The following AGFG1 variants were observed in gnomAD, a reference collection of about 807,000 sequenced individuals.
AGFG1 encodes ArfGAP with FG repeats 1.
Under a neutral mutation model 60.6 loss-of-function variants are expected in AGFG1, and 10 were observed. That is an observed-to-expected ratio of 0.16 (90% confidence interval 0.10 to 0.28). AGFG1 has a LOEUF of 0.28. AGFG1 is among the 10% of genes least tolerant of loss of function. The pLI is 1.00. For synonymous variants in AGFG1, 247 were observed against 242.9 expected, an observed-to-expected ratio of 1.02 and a Z score of -0.16; for missense variants, 537 against 676.5, an observed-to-expected ratio of 0.79 and a Z score of 2.29.
intron 1 of AGFG1, among the ~76,000 whole-genome samples, chr2:227,484,309 C>T (rs1320036755): frequency 1.3e-5 from 2 of 151,940 alleles, no homozygotes; most frequent in African/African-American, 2.4e-5. Flanking sequence ...CTGCCTCAGA[C>T]TCCTGAGTAG....
At chr2:227,551,861 A>G (rs1175444260) in intron 10 of AGFG1, 98 bp from the exon 11 acceptor site, 41 of 1,431,336 alleles carry the variant, frequency 2.9e-5, no homozygotes, top group Admixed American at 8.1e-5. Context: ...ACATCTTAGT[A>G]TTTTTCAAGG....
chr2:227,527,137 T>C (rs1692018326), intron 5 of AGFG1, among the ~76,000 whole-genome samples: 1 of 152,204 alleles, frequency 6.6e-6, no homozygotes, highest in South Asian at 2.1e-4. Context: ...GAACCTGGGC[T>C]TTGGAGTTGG....
rs4675199 is a variant in AGFG1 at position 227,473,937 on chromosome 2, G to T, written c.167+1349G>T. Among the ~76,000 whole-genome samples, 75 of 152,074 alleles carry T rather than the reference G, an allele frequency of 4.9e-4. 1 individual carries two copies. The South Asian group carries it at 0.015, about 30-fold the overall frequency. ...AATATAGCAAAGTCTTGTTCTCTTGGTTCTTACAGTCCAGTGGGGATGCAA... is the reference window on the plus strand; with the variant it reads ...AATATAGCAAAGTCTTGTTCTCTTGTTTCTTACAGTCCAGTGGGGATGCAA... On this transcript the variant is annotated intron_variant, in intron 1 of 12. Coordinates refer to ENST00000310078, the MANE Select transcript of AGFG1 (RefSeq NM_004504.5).
intron 10 of AGFG1, among the ~76,000 whole-genome samples, chr2:227,544,591 T>C (rs1009423232): frequency 6.6e-6 from 1 of 152,226 alleles, no homozygotes; most frequent in Non-Finnish European, 1.5e-5. Context: ...TTGCAGTGAC[T>C]GGTACCGGTT....
Position 227,553,615 on chromosome 2 carries a change from AAT to A in AGFG1, c.1538-88_1538-87del, listed in dbSNP as rs1692887509. On this transcript the variant is annotated intron_variant, in intron 11 of 12. Coordinates refer to ENST00000310078, the MANE Select transcript of AGFG1 (RefSeq NM_004504.5). ...ATTTTATTTTTGCTGCTCTGGTAGG[AAT>A]GTCTCTGAAAGTTATTATGAGGCTT... 3 of 1,049,634 alleles carry A rather than the reference AAT, an allele frequency of 2.9e-6. No homozygotes were observed. The Admixed American group carries it at 5.9e-5, about 21-fold the overall frequency. The allele number at this position is 1,049,634 out of a possible 1,614,324, so 65.0% of individuals were successfully genotyped here.
At chr2:227,499,639 CA>C (rs34358491) in intron 2 of AGFG1, among the ~76,000 whole-genome samples, 1,407 of 98,396 alleles carry the variant, frequency 0.014, 23 homozygotes, top group African/African-American at 0.044. Context: ...GACTCTGTCT[CA>C]AAAAAAAAAA....
intron 10 of AGFG1, among the ~76,000 whole-genome samples, chr2:227,545,798 C>T (rs1575115098): frequency 6.6e-6 from 1 of 152,216 alleles, no homozygotes; most frequent in Non-Finnish European, 1.5e-5. Flanking sequence ...GCGGAGGCTG[C>T]AGAACAGCAA....
intron 2 of AGFG1, among the ~76,000 whole-genome samples, chr2:227,503,158 T>TG (rs2106184942): frequency 6.6e-6 from 1 of 151,650 alleles, no homozygotes; most frequent in South Asian, 2.1e-4. Context: ...ACCTGAGCTT[T>TG]GGGGAGGTTT....
In AGFG1 at chr2:227,556,264, TATC is replaced by T. The variant is rs747327303; in HGVS notation, c.*1772_*1774del. 3 of 152,426 alleles carry T rather than the reference TATC, an allele frequency of 2.0e-5. No homozygotes were observed. The highest frequency in any genetic ancestry group is 2.9e-5 in the Non-Finnish European group (2 of 68,028). The allele number at this position is 152,426 out of a possible 1,614,324, so 9.4% of individuals were successfully genotyped here. A position where few individuals can be genotyped will look rare whatever the true frequency, so the allele number is the denominator to read the frequency against. On this transcript the variant is annotated 3_prime_UTR_variant, in exon 13 of 13. Coordinates refer to ENST00000310078, the MANE Select transcript of AGFG1 (RefSeq NM_004504.5). ...CTTTTTGCAATGATGACTGAGTTGT[TATC>T]ATAGTATTTTAAAACCTGTATAGTG...
At chr2:227,509,243 C>T (rs1236011436) in intron 2 of AGFG1, among the ~76,000 whole-genome samples, 3 of 152,020 alleles carry the variant, frequency 2.0e-5, no homozygotes, top group Non-Finnish European at 2.9e-5. Flanking sequence ...TAGTATCTTC[C>T]CCAAAATACG....
intron 5 of AGFG1, among the ~76,000 whole-genome samples, chr2:227,529,134 ACTCAT>A (rs1692086827): frequency 6.6e-6 from 1 of 152,144 alleles, no homozygotes; most frequent in East Asian, 1.9e-4. Flanking sequence ...CTACTGAATT[ACTCAT>A]TTATTTTTCC....
intron 3 of AGFG1, among the ~76,000 whole-genome samples, chr2:227,521,209 G>A (rs985352201): frequency 1.3e-5 from 2 of 151,976 alleles, no homozygotes; most frequent in Non-Finnish European, 2.9e-5. Flanking sequence ...GGGATTACAG[G>A]CACCCACCAC....
At chr2:227,479,636 A>G (rs1458801366) in intron 1 of AGFG1, among the ~76,000 whole-genome samples, 3 of 152,174 alleles carry the variant, frequency 2.0e-5, no homozygotes, top group Non-Finnish European at 4.4e-5. Flanking sequence ...ATTCGGGACT[A>G]GGTTTTACTA....
chr2:227,494,718 G>A (rs936204106), intron 2 of AGFG1, among the ~76,000 whole-genome samples: 1 of 152,232 alleles, frequency 6.6e-6, no homozygotes, highest in African/African-American at 2.4e-5. Context: ...GGAAACATCT[G>A]TGTATGGTCT....
intron 10 of AGFG1, 142 bp from the exon 11 acceptor site, chr2:227,551,817 G>T (rs888690606): frequency 2.0e-6 from 2 of 979,298 alleles, no homozygotes; most frequent in African/African-American, 1.6e-5. Flanking sequence ...CATTAACTTT[G>T]TTGGAATTTT....
Position 227,560,901 on chromosome 2 carries a change from C to T in AGFG1, c.*6406C>T. 6.6e-6 allele frequency: 1 copy of T among 152,060 alleles called. No individual in the cohort carries two copies. The allele number at this position is 152,060 out of a possible 1,614,324, so 9.4% of individuals were successfully genotyped here. ...CAATGAAGAATACTTGTCCTAATAG[C>T]TCATAAAAAGTACCTTTGCACTTTA... On this transcript the variant is annotated 3_prime_UTR_variant, in exon 13 of 13. Coordinates refer to ENST00000310078, the MANE Select transcript of AGFG1 (RefSeq NM_004504.5).
intron 2 of AGFG1, among the ~76,000 whole-genome samples, chr2:227,500,238 A>G (rs1224857606): frequency 2.6e-5 from 4 of 152,202 alleles, no homozygotes; most frequent in Non-Finnish European, 2.9e-5. Flanking sequence ...TTTTTTGGTC[A>G]GTCTCTTACT....
chr2:227,498,310 A>G (rs941127084), intron 2 of AGFG1, among the ~76,000 whole-genome samples: 2 of 152,184 alleles, frequency 1.3e-5, no homozygotes, highest in Non-Finnish European at 2.9e-5. Context: ...GCAGAATTTC[A>G]GTCAGTATGA....
At chr2:227,520,801 T>C (rs180865848) in intron 3 of AGFG1, among the ~76,000 whole-genome samples, 213 of 152,314 alleles carry the variant, frequency 1.4e-3, no homozygotes, top group African/African-American at 4.8e-3. Flanking sequence ...TATTGCATAG[T>C]GGATACTTTC....
Sources: allele counts gnomAD v4.1 joint callset (sites outside exome capture counted in the v4.1 genomes callset), GRCh38; gene constraint gnomAD v4.1.1; transcripts MANE v1.5; gene names NCBI Gene and HGNC (gene_info 2026-07-23, HGNC 2026-07-21).